The following GRIA1 variants were observed in gnomAD, a reference collection of about 807,000 sequenced individuals.
The protein encoded by GRIA1 is glutamate ionotropic receptor AMPA type subunit 1, also known as glutamate receptor 1.
Under a neutral mutation model 99.2 loss-of-function variants are expected in GRIA1, and 31 were observed. The observed-to-expected ratio is 0.31, with a 90% CI of 0.23 to 0.42. The LOEUF is 0.42. Ranked by LOEUF, GRIA1 falls within the 10% of genes least tolerant of loss-of-function variation. The pLI is 1.00. For synonymous variants in GRIA1, 438 were observed against 432.4 expected (o/e 1.01, Z -0.16); for missense variants, 782 against 1,157.5 (o/e 0.68, Z 4.71).
At chr5:153,696,102 C>T (rs1051994501) in intron 8 of GRIA1, among the ~76,000 whole-genome samples, 17 of 152,130 alleles carry the variant, frequency 1.1e-4, no homozygotes, top group Non-Finnish European at 2.2e-4. Context: ...GCAGGGGGCA[C>T]GTCCCTGGAG....
chr5:153,640,902 A>G (rs376921891), intron 2 of GRIA1, among the ~76,000 whole-genome samples: 1 of 152,106 alleles, frequency 6.6e-6, no homozygotes, highest in Non-Finnish European at 1.5e-5. Flanking sequence ...AGTAAATGTG[A>G]TATTGTTTAA....
At chr5:153,682,098 G>A (rs1757014004) in intron 7 of GRIA1, among the ~76,000 whole-genome samples, 1 of 151,852 alleles carries the variant, frequency 6.6e-6, no homozygotes, top group Non-Finnish European at 1.5e-5. Context: ...GCATGAGACA[G>A]TCAGAGCCAA....
At chr5:153,571,237 GC>G (rs1002709147) in intron 2 of GRIA1, among the ~76,000 whole-genome samples, 30 of 152,136 alleles carry the variant, frequency 2.0e-4, no homozygotes, top group African/African-American at 7.2e-4. Flanking sequence ...GGGGGCACTT[GC>G]CCCCAGTTGA....
At chr5:153,528,929 G>A (rs1221714954) in intron 2 of GRIA1, among the ~76,000 whole-genome samples, 1 of 152,090 alleles carries the variant, frequency 6.6e-6, no homozygotes, top group Non-Finnish European at 1.5e-5. Flanking sequence ...TCCTTGCATA[G>A]GTTGGTTACC....
chr5:153,643,801 G>A (rs1753945224), intron 2 of GRIA1, among the ~76,000 whole-genome samples: 1 of 152,210 alleles, frequency 6.6e-6, no homozygotes, highest in African/African-American at 2.4e-5. Context: ...AGGGGAAAAT[G>A]AGGAGATAAT....
chr5:153,731,130 G>A (rs1046771763), intron 11 of GRIA1, among the ~76,000 whole-genome samples: 4 of 152,072 alleles, frequency 2.6e-5, no homozygotes, highest in Admixed American at 6.6e-5. Flanking sequence ...GAAGGATAAA[G>A]TCTAAACCTA....
intron 5 of GRIA1, among the ~76,000 whole-genome samples, chr5:153,664,254 T>C (rs1392001440): frequency 6.6e-6 from 1 of 152,162 alleles, no homozygotes; most frequent in Non-Finnish European, 1.5e-5. Flanking sequence ...GGTAACATAG[T>C]TAATCCTCAC....
intron 3 of GRIA1, among the ~76,000 whole-genome samples, chr5:153,647,901 T>TG (rs1200538045): frequency 6.6e-6 from 1 of 152,226 alleles, no homozygotes; most frequent in Admixed American, 6.5e-5. Context: ...TCTCCTCTTT[T>TG]GCAGGATGTC....
At chr5:153,604,758 C>G in intron 2 of GRIA1, among the ~76,000 whole-genome samples, 1 of 152,110 alleles carries the variant, frequency 6.6e-6, no homozygotes, top group East Asian at 1.9e-4. Flanking sequence ...GAAAAATCTT[C>G]TTAAACAAAA....
chr5:153,637,658 G>A (rs1275642472), intron 2 of GRIA1, among the ~76,000 whole-genome samples: 1 of 152,184 alleles, frequency 6.6e-6, no homozygotes, highest in Non-Finnish European at 1.5e-5. Flanking sequence ...GAGACTGGGT[G>A]TTGTAGGTGG....
intron 6 of GRIA1, among the ~76,000 whole-genome samples, chr5:153,675,181 G>A (rs1756482933): frequency 1.3e-5 from 2 of 152,220 alleles, no homozygotes; most frequent in South Asian, 2.1e-4. Flanking sequence ...AAGGGAAGCT[G>A]GAAAATGGTG....
chr5:153,769,306 T>C (rs1287500417), intron 12 of GRIA1, among the ~76,000 whole-genome samples: 1 of 152,154 alleles, frequency 6.6e-6, no homozygotes, highest in Non-Finnish European at 1.5e-5. Flanking sequence ...TCAGAATCTC[T>C]AGATTTAGAG....
In GRIA1 at chr5:153,811,124, G is replaced by A; in HGVS notation, c.2620G>A (p.Glu874Lys). The change falls in exon 16 of 16, where the codon GAG (glutamate) becomes AAG (lysine). Residue 874 changes from glutamate (E) to lysine (K), a missense_variant. By Grantham distance (56) the Glu-to-Lys change is moderately conservative. Coordinates refer to ENST00000285900, the MANE Select transcript of GRIA1 (RefSeq NM_000827.4). The part of the protein sequence containing the change: ...GAGASSGGSG[E>K]NGRVVSHDFP... ...AGGAGCCAGCAGCGGCGGCAGTGGA[G>A]AGAATGGTCGGGTGGTCAGCCATGA... 1.2e-6 allele frequency: 2 copies of A among 1,614,142 alleles called. No homozygotes were observed. The highest frequency in any genetic ancestry group is 1.7e-6 in the Non-Finnish European group (2 of 1,179,986).
chr5:153,781,238 G>A (rs1191725047), intron 13 of GRIA1, among the ~76,000 whole-genome samples: 1 of 151,954 alleles, frequency 6.6e-6, no homozygotes, highest in Non-Finnish European at 1.5e-5. Flanking sequence ...ATCAGGCAGG[G>A]AAATTTGCAT....
chr5:153,724,770 A>C (rs1175715252), intron 11 of GRIA1, among the ~76,000 whole-genome samples: 2 of 152,272 alleles, frequency 1.3e-5, no homozygotes, highest in African/African-American at 4.8e-5. Context: ...TCTATGTCTG[A>C]TTGGTGTACC....
Position 153,754,594 on chromosome 5 carries a change from G to A in GRIA1, c.1824-9840G>A, listed in dbSNP as rs542087561. Among the ~76,000 whole-genome samples the A allele has an allele frequency of 2.0e-5, 3 of 152,248 alleles. No homozygotes were observed. In the South Asian group the frequency reaches 6.2e-4, roughly 32 times the overall value. ...CCTGAACTTGGGATAGCTTCGCTGG[G>A]TTCTTCAATTTAGGGATGTTAGAAA... On this transcript the variant is annotated intron_variant, in intron 11 of 15. Coordinates refer to ENST00000285900, the MANE Select transcript of GRIA1 (RefSeq NM_000827.4).
chr5:153,553,599 C>T (rs997557352), intron 2 of GRIA1, among the ~76,000 whole-genome samples: 3 of 152,016 alleles, frequency 2.0e-5, no homozygotes, highest in Non-Finnish European at 4.4e-5. Flanking sequence ...TGTGAGGAGC[C>T]GCATGCACAG....
chr5:153,563,409 G>A (rs1210446751), intron 2 of GRIA1, among the ~76,000 whole-genome samples: 1 of 152,120 alleles, frequency 6.6e-6, no homozygotes, highest in Non-Finnish European at 1.5e-5. Context: ...AGAAACAACT[G>A]TTCTTTTCTT....
intron 13 of GRIA1, among the ~76,000 whole-genome samples, chr5:153,785,329 T>A (rs528407212): frequency 6.6e-6 from 1 of 152,156 alleles, no homozygotes; most frequent in Non-Finnish European, 1.5e-5. Context: ...TGCTCTCCCC[T>A]CTTAAGGGTA....
Sources: allele counts gnomAD v4.1 joint callset (sites outside exome capture counted in the v4.1 genomes callset), GRCh38; gene constraint gnomAD v4.1.1; transcripts MANE v1.5; gene names NCBI Gene and HGNC (gene_info 2026-07-23, HGNC 2026-07-21).